Variants in FBXO15 observed in about 807,000 individuals in gnomAD.
FBXO15 encodes F-box protein 15.
In FBXO15, 30 loss-of-function variants were observed where a neutral mutation model predicts 49.5. The ratio of observed to expected loss-of-function variants is 0.61; its 90% CI spans 0.45 to 0.82. The LOEUF (loss-of-function observed/expected upper bound fraction) is 0.82, where lower values mean the gene tolerates loss of function less well. Among genes scored for constraint, FBXO15 ranks in the 40% least tolerant of loss-of-function variants. The probability of loss-of-function intolerance (pLI) is 0.00; values close to 1 mark genes in which losing one functional copy is unlikely to be tolerated. For missense variants in FBXO15, 591 were observed against 631.5 expected (o/e 0.94, Z 0.69); for synonymous variants, 250 against 232.7 (o/e 1.07, Z -0.68).
At chr18:74,108,745 C>T (rs1168393824) in intron 8 of FBXO15, among the ~76,000 whole-genome samples, 1 of 152,114 alleles carries the variant, frequency 6.6e-6, no homozygotes, top group African/African-American at 2.4e-5. Flanking sequence ...CCCAAAACTA[C>T]ACCTAAGTGT....
At chr18:74,081,833 T>A (rs1912508622) in intron 9 of FBXO15, 94 bp downstream of exon 9, 2 of 875,556 alleles carry the variant, frequency 2.3e-6, no homozygotes, top group Admixed American at 3.4e-5. Context: ...AGAAACATCA[T>A]ACATATATGA....
Position 74,122,086 on chromosome 18 carries a change from C to T in FBXO15, c.1138+1282G>A, listed in dbSNP as rs140490561. 4.4e-4 allele frequency among the ~76,000 whole-genome samples: 67 copies of T among 152,294 alleles called. 2 individuals are homozygous for T. The South Asian group carries it at 5.0e-3, about 11-fold the overall frequency. Reference sequence around the variant, plus strand: ...TCCTCCTGAATTTGCAAGTGACCTACGAGGGCATGAAGAGGTAACTGCGCC... The same window carrying T: ...TCCTCCTGAATTTGCAAGTGACCTATGAGGGCATGAAGAGGTAACTGCGCC... On this transcript the variant is annotated intron_variant, in intron 8 of 9. Transcript: ENST00000419743.
chr18:74,116,896 C>T (rs1004023010), intron 8 of FBXO15, among the ~76,000 whole-genome samples: 4 of 151,998 alleles, frequency 2.6e-5, no homozygotes, highest in East Asian at 1.9e-4. Flanking sequence ...TGGTTAGCGT[C>T]GAGCCAGGCT....
intron 3 of FBXO15, among the ~76,000 whole-genome samples, chr18:74,132,365 T>A (rs1236508224): frequency 6.6e-6 from 1 of 152,220 alleles, no homozygotes; most frequent in African/African-American, 2.4e-5. Context: ...ACATCAGCAC[T>A]ATCTAAACAA....
Position 74,073,664 on chromosome 18 carries a change from G to A in FBXO15, c.1330C>T (p.Pro444Ser), listed in dbSNP as rs1912132538. The A allele has an allele frequency of 6.2e-7, 1 of 1,613,994 alleles. No homozygotes were observed. Among genetic ancestry groups the A allele is most frequent in the Admixed American group, 1.7e-5 (1 of 60,002 alleles). ...HGKPFWCFSS[P>S]VCLRSPATPS... Reference sequence around the variant, plus strand: ...GTGGCAGGCGATCTCAGGCACACCGGGGAACTGAAACACCAAAAGGGTTTC... The same window carrying A: ...GTGGCAGGCGATCTCAGGCACACCGAGGAACTGAAACACCAAAAGGGTTTC... Residue 444 changes from proline (P) to serine (S), a missense_variant, in exon 10 of 10, where the codon CCG (proline) becomes TCG (serine). Transcript: ENST00000419743.
chr18:74,126,171 T>G, intron 5 of FBXO15, 70 bp from the exon 6 acceptor site: 4 of 1,579,952 alleles, frequency 2.5e-6, no homozygotes, highest in African/African-American at 1.3e-5. Flanking sequence ...GTCAATTCTC[T>G]TTAGTGTATC....
chr18:74,093,209 G>T (rs766284007), intron 8 of FBXO15, among the ~76,000 whole-genome samples: 42 of 139,628 alleles, frequency 3.0e-4, no homozygotes, highest in Non-Finnish European at 5.7e-4. Context: ...ACACCCACAT[G>T]CTGGAAAGAA....
At chr18:74,100,058 C>A (rs1233203742) in intron 8 of FBXO15, 1 of 152,126 alleles carries the variant, frequency 6.6e-6, no homozygotes, top group Non-Finnish European at 1.5e-5. Context: ...TACCCTGGAA[C>A]AAATGGACAT....
chr18:74,084,054 T>C (rs1912617658), intron 8 of FBXO15, among the ~76,000 whole-genome samples: 1 of 152,224 alleles, frequency 6.6e-6, no homozygotes, highest in Admixed American at 6.5e-5. Context: ...CCAAACCCTG[T>C]TCTGTGTCCA....
intron 8 of FBXO15, among the ~76,000 whole-genome samples, chr18:74,117,574 C>A (rs1020615019): frequency 1.3e-5 from 2 of 152,070 alleles, no homozygotes; most frequent in Non-Finnish European, 2.9e-5. Flanking sequence ...TGGAGTCGCG[C>A]GGACCTGAGT....
chr18:74,085,229 G>GA (rs541140562), intron 8 of FBXO15, among the ~76,000 whole-genome samples: 33,726 of 148,652 alleles, frequency 0.23, 4,903 homozygotes, highest in African/African-American at 0.4. Flanking sequence ...AACAATCTTG[G>GA]AAAAAAAAAA....
intron 8 of FBXO15, among the ~76,000 whole-genome samples, chr18:74,089,339 C>T (rs1912909507): frequency 6.6e-6 from 1 of 152,166 alleles, no homozygotes; most frequent in African/African-American, 2.4e-5. Context: ...AGCTTTTGAG[C>T]AGAGACTATG....
chr18:74,125,764 G>A (rs945643537), intron 6 of FBXO15, among the ~76,000 whole-genome samples: 1 of 152,174 alleles, frequency 6.6e-6, no homozygotes, highest in Non-Finnish European at 1.5e-5. Context: ...ACAGATAGCA[G>A]AGTTGTCTAT....
In FBXO15 at chr18:74,073,501, C is replaced by T. The variant is rs370353664; in HGVS notation, c.1493G>A (p.Ser498Asn). 1.9e-6 allele frequency: 3 copies of T among 1,613,926 alleles called. No individual in the cohort carries two copies. The highest frequency in any genetic ancestry group is 2.7e-5 in the African/African-American group (2 of 74,902). The change falls in exon 10 of 10, where the codon AGT becomes AAT. Residue 498 changes from serine (S) to asparagine (N), a missense_variant. Coordinates refer to ENST00000419743, the MANE Select transcript of FBXO15 (RefSeq NM_001142958.2). ...AAACCAATGGTTGATTTTTGCGATA[C>T]TAAGATAAAGGACCAGGTTGACAAT... The part of the protein sequence containing the change: ...YLIVNLVLYL[S>N]IAKINHWFGT...
intron 8 of FBXO15, among the ~76,000 whole-genome samples, chr18:74,108,627 G>A (rs1049428475): frequency 3.3e-5 from 5 of 151,340 alleles, no homozygotes; most frequent in African/African-American, 4.8e-5. Flanking sequence ...AGAAGGAAAC[G>A]GAAGAAATAC....
At chr18:74,107,927 C>T (rs1216344775) in intron 8 of FBXO15, among the ~76,000 whole-genome samples, 1 of 152,136 alleles carries the variant, frequency 6.6e-6, no homozygotes, top group African/African-American at 2.4e-5. Flanking sequence ...CACTAAACTG[C>T]AGCCCCCTCT....
chr18:74,128,481 G>T (rs765786568), intron 5 of FBXO15, among the ~76,000 whole-genome samples: 2 of 152,162 alleles, frequency 1.3e-5, no homozygotes, highest in Admixed American at 6.5e-5. Flanking sequence ...ACTGCAGCAC[G>T]CAAGGATGGT....
chr18:74,110,194 C>CATATATATATATATATATATATAT (rs58739905), intron 8 of FBXO15, among the ~76,000 whole-genome samples: 1 of 143,606 alleles, frequency 7.0e-6, no homozygotes, highest in Non-Finnish European at 1.5e-5. Flanking sequence ...CATATGTGTG[C>CATATATATATATATATATATATAT]ATATATATAT....
rs541561568 is a variant in FBXO15 at position 74,136,411 on chromosome 18, T to C, written c.228-545A>G. 2.6e-5 allele frequency among the ~76,000 whole-genome samples: 4 copies of C among 152,316 alleles called. No homozygotes were observed. In the East Asian group the frequency reaches 7.7e-4, roughly 29 times the overall value. On this transcript the variant is annotated intron_variant, in intron 2 of 9. Transcript: ENST00000419743. ...CCAAACCTGGCCTAAACTAGGTATGTTTCTTTAGTGAGATAAAAAGAGAAT... is the reference window on the plus strand; with the variant it reads ...CCAAACCTGGCCTAAACTAGGTATGCTTCTTTAGTGAGATAAAAAGAGAAT...
Sources: gnomAD v4.1 joint callset for allele counts (sites outside exome capture counted in the v4.1 genomes callset) on GRCh38, gnomAD v4.1.1 for gene constraint, MANE v1.5 for transcripts, NCBI Gene and HGNC (gene_info 2026-07-23, HGNC 2026-07-21) for gene names.